Variants in USH2A observed in about 807,000 individuals in gnomAD.
The protein encoded by USH2A is usherin, also known as Usher syndrome 2A (autosomal recessive, mild).
A neutral mutation model predicts 538.9 loss-of-function variants in USH2A; 443 were observed. That is an observed-to-expected ratio of 0.82 (90% confidence interval 0.76 to 0.89). The LOEUF (loss-of-function observed/expected upper bound fraction) is 0.89. Among genes scored for constraint, USH2A ranks in the 40% least tolerant of loss-of-function variants. The probability of loss-of-function intolerance (pLI) is 0.00; values close to 1 mark genes in which losing one functional copy is unlikely to be tolerated. For synonymous variants in USH2A, 2,413 were observed against 2,273.5 expected, an observed-to-expected ratio of 1.06 and a Z score of -1.75; for missense variants, 6,633 against 6,324.8, an observed-to-expected ratio of 1.05 and a Z score of -1.65.
chr1:215,647,778 T>C (rs781393757), intron 66 of USH2A, 48 bp from the exon 67 acceptor site: 1 of 1,596,844 alleles, frequency 6.3e-7, no homozygotes, highest in Admixed American at 1.7e-5. Context: ...ATGGAATTAG[T>C]TTAACTCTCT....
At chr1:215,926,520 C>G (rs1391720165) in intron 38 of USH2A, among the ~76,000 whole-genome samples, 1 of 151,484 alleles carries the variant, frequency 6.6e-6, no homozygotes, top group African/African-American at 2.4e-5. Flanking sequence ...TCCTGCCTCT[C>G]CTACTTGGGT....
intron 38 of USH2A, among the ~76,000 whole-genome samples, chr1:215,911,080 G>A (rs2102479084): frequency 6.6e-6 from 1 of 151,218 alleles, no homozygotes; most frequent in East Asian, 2.0e-4. Context: ...TTTAATTTGT[G>A]GCATATAGGA....
chr1:215,984,566 G>T (rs958229520), intron 35 of USH2A, among the ~76,000 whole-genome samples: 7 of 152,080 alleles, frequency 4.6e-5, no homozygotes, highest in Non-Finnish European at 7.4e-5. Flanking sequence ...ATATATCTTT[G>T]TGCCTCTTCA....
At chr1:216,204,503 A>G (rs2035069389) in intron 16 of USH2A, 1 of 152,236 alleles carries the variant, frequency 6.6e-6, no homozygotes. Flanking sequence ...AATATGTCTT[A>G]GAGAATCCCA....
chr1:215,808,103 A>C (rs943510320), intron 49 of USH2A, among the ~76,000 whole-genome samples: 4 of 152,144 alleles, frequency 2.6e-5, no homozygotes, highest in African/African-American at 9.7e-5. Context: ...CCACGGAAAC[A>C]CTACACAAAA....
chr1:216,033,684 C>T (rs140309512), intron 32 of USH2A, among the ~76,000 whole-genome samples: 1 of 152,116 alleles, frequency 6.6e-6, no homozygotes, highest in East Asian at 1.9e-4. Context: ...AACCTCATCT[C>T]TACAAAAATT....
chr1:216,120,813 T>C (rs986322579), intron 21 of USH2A, among the ~76,000 whole-genome samples: 2 of 151,962 alleles, frequency 1.3e-5, no homozygotes, highest in Admixed American at 6.5e-5. Flanking sequence ...ATGGCGCCAC[T>C]GCACTGCAGT....
rs1383724217 is a variant in USH2A at position 216,217,523 on chromosome 1, T to C, written c.3021A>G (p.Ser1007=). ...AGTGACAGGTTTCATTCAAGGCTCC[T>C]GAGAGATGACAATTACAAGGCTGAC... is the stretch of plus-strand genomic sequence containing the variant. ...GRCQPCNCHL[S]GALNETCHLV... is the part of the protein sequence containing the mutation. Residue 1007 remains serine, a synonymous_variant, in exon 15 of 72, where the codon TCA becomes TCG. Coordinates refer to ENST00000307340, the MANE Select transcript of USH2A (RefSeq NM_206933.4). 1 of 1,613,148 alleles carries C rather than the reference T, an allele frequency of 6.2e-7. No homozygotes were observed. Among genetic ancestry groups the C allele is most frequent in the Non-Finnish European group, 8.5e-7 (1 of 1,179,368 alleles).
At chr1:215,863,026 A>C (rs1413278883) in intron 44 of USH2A, among the ~76,000 whole-genome samples, 1 of 152,236 alleles carries the variant, frequency 6.6e-6, no homozygotes, top group African/African-American at 2.4e-5. Flanking sequence ...AGGAAGACTC[A>C]GGAAAGAACT....
At chr1:215,986,967 A>G (rs1667886814) in intron 35 of USH2A, among the ~76,000 whole-genome samples, 1 of 152,212 alleles carries the variant, frequency 6.6e-6, no homozygotes. Flanking sequence ...CGATTTACTT[A>G]GGTAAAGATA....
intron 12 of USH2A, among the ~76,000 whole-genome samples, chr1:216,249,392 T>C (rs1013839095): frequency 2.6e-5 from 4 of 152,114 alleles, no homozygotes; most frequent in East Asian, 1.9e-4. Context: ...AAAGATTCCA[T>C]TGATACAAAG....
chr1:216,308,357 C>T (rs1357578078), intron 9 of USH2A, among the ~76,000 whole-genome samples: 1 of 152,096 alleles, frequency 6.6e-6, no homozygotes, highest in Non-Finnish European at 1.5e-5. Flanking sequence ...CCTGAAATTT[C>T]CAGATTTTGC....
intron 62 of USH2A, among the ~76,000 whole-genome samples, chr1:215,676,551 A>G (rs1291290243): frequency 6.6e-6 from 1 of 152,206 alleles, no homozygotes; most frequent in Non-Finnish European, 1.5e-5. Flanking sequence ...AAACATTCCC[A>G]GAAGTGGTTC....
At chr1:216,120,024 T>G (rs991829906) in intron 21 of USH2A, among the ~76,000 whole-genome samples, 1 of 152,052 alleles carries the variant, frequency 6.6e-6, no homozygotes, top group Non-Finnish European at 1.5e-5. Flanking sequence ...CATAAACATT[T>G]TTCTAATGTG....
intron 45 of USH2A, 63 bp downstream of exon 45, chr1:215,845,761 G>T: frequency 6.4e-7 from 1 of 1,558,374 alleles, no homozygotes; most frequent in Non-Finnish European, 8.8e-7. Flanking sequence ...TCTCAACCCC[G>T]GCAAGAATCA....
At chr1:216,182,509 G>T (rs772249207) in intron 20 of USH2A, among the ~76,000 whole-genome samples, 81 of 152,014 alleles carry the variant, frequency 5.3e-4, no homozygotes, top group Non-Finnish European at 6.2e-4. Flanking sequence ...CTTTTCCTTG[G>T]ATACAACTAC....
intron 61 of USH2A, among the ~76,000 whole-genome samples, chr1:215,698,652 C>T (rs1032613568): frequency 2.6e-5 from 4 of 152,098 alleles, no homozygotes; most frequent in South Asian, 2.1e-4. Context: ...TATCCTTTGC[C>T]CACTTTTTGA....
At chr1:216,050,217 G>A (rs2030699183) in intron 30 of USH2A, among the ~76,000 whole-genome samples, 1 of 152,158 alleles carries the variant, frequency 6.6e-6, no homozygotes, top group African/African-American at 2.4e-5. Context: ...GGGCACCCAT[G>A]CTCAAGCCAG....
intron 2 of USH2A, among the ~76,000 whole-genome samples, chr1:216,420,132 C>T (rs1054199947): frequency 4.6e-5 from 7 of 151,772 alleles, no homozygotes; most frequent in Non-Finnish European, 1.0e-4. Flanking sequence ...TTGTTTTTAT[C>T]CCTACCCATC....
Sources: allele counts gnomAD v4.1 joint callset (sites outside exome capture counted in the v4.1 genomes callset), GRCh38; gene constraint gnomAD v4.1.1; transcripts MANE v1.5; gene names NCBI Gene and HGNC (gene_info 2026-07-23, HGNC 2026-07-21).